The following SND1 variants were observed in gnomAD, a reference collection of about 807,000 sequenced individuals.
SND1 encodes staphylococcal nuclease and tudor domain containing 1.
In SND1, 38 loss-of-function variants were observed where a neutral mutation model predicts 121.7. The observed-to-expected ratio is 0.31, with a 90% confidence interval of 0.24 to 0.41. The LOEUF is 0.41. Ranked by LOEUF, SND1 falls within the 10% of genes least tolerant of loss-of-function variation. The pLI, the probability that SND1 is intolerant of heterozygous loss-of-function variation, is 1.00. For missense variants in SND1, 868 were observed against 1,184.6 expected (o/e 0.73, Z 3.92); for synonymous variants, 401 against 447.4 (o/e 0.90, Z 1.31).
At chr7:127,706,956 T>C (rs938558660) in intron 8 of SND1, among the ~76,000 whole-genome samples, 1 of 152,220 alleles carries the variant, frequency 6.6e-6, no homozygotes, top group Non-Finnish European at 1.5e-5. Context: ...GTTCATTGAT[T>C]TTTTTTAATC....
chr7:127,809,005 T>G (rs1445161102), intron 11 of SND1, among the ~76,000 whole-genome samples: 1 of 152,218 alleles, frequency 6.6e-6, no homozygotes, highest in Non-Finnish European at 1.5e-5. Flanking sequence ...GGCATCCACC[T>G]GGTTTATTTG....
At chr7:127,803,955 A>T (rs775090128) in intron 10 of SND1, among the ~76,000 whole-genome samples, 3 of 152,188 alleles carry the variant, frequency 2.0e-5, no homozygotes, top group Non-Finnish European at 4.4e-5. Flanking sequence ...TACAGCACAT[A>T]TTGGTTTGTG....
At chr7:127,940,372 A>G (rs1253535218) in intron 15 of SND1, among the ~76,000 whole-genome samples, 2 of 152,180 alleles carry the variant, frequency 1.3e-5, no homozygotes, top group Admixed American at 1.3e-4. Context: ...AATGTTGACA[A>G]GCTACTGTGC....
intron 1 of SND1, among the ~76,000 whole-genome samples, chr7:127,672,669 G>T (rs139505746): frequency 6.6e-6 from 1 of 151,336 alleles, no homozygotes; most frequent in African/African-American, 2.4e-5. Context: ...CCATCCAACC[G>T]GCAAACTCCC....
chr7:127,966,866 A>G (rs1801864560), intron 15 of SND1, among the ~76,000 whole-genome samples: 1 of 150,218 alleles, frequency 6.7e-6, no homozygotes, highest in Non-Finnish European at 1.5e-5. Context: ...AGCAGAACTG[A>G]AGGAAATAGA....
intron 15 of SND1, among the ~76,000 whole-genome samples, chr7:127,958,443 A>G (rs868839142): frequency 0.015 from 2,301 of 152,282 alleles, 80 homozygotes; most frequent in African/African-American, 0.052. Context: ...TGGACTGCAT[A>G]GCCATGCATG....
At chr7:127,817,815 C>T (rs1201922899) in intron 11 of SND1, among the ~76,000 whole-genome samples, 2 of 147,624 alleles carry the variant, frequency 1.4e-5, no homozygotes, top group Non-Finnish European at 3.0e-5. Context: ...CTTTGTCCTC[C>T]GATAATATTT....
In SND1 at chr7:127,703,230, A is replaced by G. The variant is rs748519824; in HGVS notation, c.747A>G (p.Lys249=). ...ETPEPFAAEA[K]FFTESRLLQR... Reference sequence around the variant, plus strand: ...CAGAGCCTTTTGCTGCAGAAGCCAAATTTTTCACTGAGTCGCGACTGCTTC... The same window carrying G: ...CAGAGCCTTTTGCTGCAGAAGCCAAGTTTTTCACTGAGTCGCGACTGCTTC... Residue 249 remains lysine, a synonymous_variant, in exon 7 of 24, where the codon AAA becomes AAG. Coordinates refer to ENST00000354725, the MANE Select transcript of SND1 (RefSeq NM_014390.4). 1.1e-5 allele frequency: 17 copies of G among 1,613,902 alleles called. No individual in the cohort carries two copies. In the Admixed American group the frequency reaches 2.8e-4, roughly 27 times the overall value.
chr7:127,858,010 TC>T, intron 12 of SND1: 2 of 1,454,086 alleles, frequency 1.4e-6, no homozygotes, highest in Non-Finnish European at 1.9e-6. Flanking sequence ...CCCCGGGTTC[TC>T]CCACTTATAT....
chr7:127,849,663 G>A (rs1211228697), intron 12 of SND1, among the ~76,000 whole-genome samples: 1 of 152,164 alleles, frequency 6.6e-6, no homozygotes, highest in African/African-American at 2.4e-5. Flanking sequence ...TTAAAGAATG[G>A]CACAGAGATG....
intron 10 of SND1, 76 bp downstream of exon 10, chr7:127,721,476 A>G: frequency 1.3e-6 from 1 of 774,742 alleles, no homozygotes; most frequent in Non-Finnish European, 2.2e-6. Context: ...AATATATGAC[A>G]TATATAATAC....
chr7:127,682,033 A>T (rs1327745684), intron 1 of SND1, among the ~76,000 whole-genome samples: 1 of 152,216 alleles, frequency 6.6e-6, no homozygotes, highest in Admixed American at 6.5e-5. Flanking sequence ...CTTCATTGAC[A>T]TACAAATTTC....
chr7:127,712,083 T>C (rs1042201580), intron 9 of SND1, among the ~76,000 whole-genome samples: 8 of 152,180 alleles, frequency 5.3e-5, no homozygotes, highest in African/African-American at 1.9e-4. Flanking sequence ...CTTGGTTTTC[T>C]GTCTTATTTG....
intron 16 of SND1, among the ~76,000 whole-genome samples, chr7:128,006,587 C>G (rs548981610): frequency 6.6e-6 from 1 of 152,338 alleles, no homozygotes; most frequent in African/African-American, 2.4e-5. Flanking sequence ...GCTTGGCTAA[C>G]CCAGCTGCTG....
At chr7:127,908,728 C>A (rs903392269) in intron 14 of SND1, among the ~76,000 whole-genome samples, 5 of 152,152 alleles carry the variant, frequency 3.3e-5, no homozygotes, top group African/African-American at 1.2e-4. Context: ...GAGCTCCCTC[C>A]CTCACCAGCA....
In SND1 at chr7:127,680,284, A is replaced by G. The variant is rs528287847; in HGVS notation, c.79-6329A>G. 1.5e-3 allele frequency among the ~76,000 whole-genome samples: 226 copies of G among 152,270 alleles called. No homozygotes were observed. The Middle Eastern group carries it at 0.02, about 14-fold the overall frequency. ...GGACTGGGGCGAAATTAAAATTGCT[A>G]ATGAAGTTTCAGGCACCATTGTCAT... On this transcript the variant is annotated intron_variant, in intron 1 of 23. Transcript: ENST00000354725.
At chr7:127,985,272 C>A (rs1802360955) in intron 15 of SND1, among the ~76,000 whole-genome samples, 2 of 152,174 alleles carry the variant, frequency 1.3e-5, no homozygotes, top group Admixed American at 1.3e-4. Context: ...CTGCCAATAG[C>A]TTCCTAGCCA....
At chr7:127,911,031 G>A (rs1290385903) in intron 14 of SND1, among the ~76,000 whole-genome samples, 2 of 152,322 alleles carry the variant, frequency 1.3e-5, no homozygotes, top group Admixed American at 6.5e-5. Context: ...AATATGGTTG[G>A]CCCCTTGCCT....
intron 1 of SND1, among the ~76,000 whole-genome samples, chr7:127,673,978 CTTCCTTCCCT>C (rs998151332): frequency 4.6e-5 from 7 of 150,946 alleles, no homozygotes; most frequent in African/African-American, 4.9e-5. Context: ...AAGAGTTTTC[CTTCCTTCCCT>C]TTCCTTCCCT....
Sources: allele counts gnomAD v4.1 joint callset (sites outside exome capture counted in the v4.1 genomes callset), GRCh38; gene constraint gnomAD v4.1.1; transcripts MANE v1.5; gene names NCBI Gene and HGNC (gene_info 2026-07-23, HGNC 2026-07-21).